FHIP1A: variants seen among roughly 807,000 people sequenced by gnomAD.
The protein encoded by FHIP1A is FHF complex subunit HOOK interacting protein 1A.
FHIP1A carries 61 observed loss-of-function variants against 88.6 expected under a neutral mutation model. The observed-to-expected ratio is 0.69, with a 90% confidence interval of 0.56 to 0.85. FHIP1A has a LOEUF of 0.85. Among genes scored for constraint, FHIP1A ranks in the 40% least tolerant of loss-of-function variants. The pLI is 0.00. For synonymous variants in FHIP1A, 478 were observed against 496.0 expected (o/e 0.96, Z 0.48); for missense variants, 1,154 against 1,273.5 (o/e 0.91, Z 1.43).
At chr4:151,556,492 T>C (rs1732951445) in intron 3 of FHIP1A, among the ~76,000 whole-genome samples, 2 of 152,196 alleles carry the variant, frequency 1.3e-5, no homozygotes, top group Non-Finnish European at 2.9e-5. Context: ...TTGAGTTGTC[T>C]CTTGGATGGC....
chr4:151,584,039 T>G (rs1240458207), intron 5 of FHIP1A, among the ~76,000 whole-genome samples: 1 of 152,144 alleles, frequency 6.6e-6, no homozygotes, highest in Non-Finnish European at 1.5e-5. Context: ...AATAAGTAAA[T>G]GAATGAATGA....
intron 3 of FHIP1A, among the ~76,000 whole-genome samples, chr4:151,549,222 A>T (rs990198410): frequency 6.6e-6 from 1 of 152,208 alleles, no homozygotes; most frequent in African/African-American, 2.4e-5. Flanking sequence ...ACAGACGTAA[A>T]CTACTGATTC....
At chr4:151,483,587 G>A (rs1297748119) in intron 3 of FHIP1A, among the ~76,000 whole-genome samples, 2 of 152,100 alleles carry the variant, frequency 1.3e-5, no homozygotes, top group Non-Finnish European at 2.9e-5. Flanking sequence ...ATGATTGTGT[G>A]CTTTTCTGGG....
chr4:151,636,038 A>G (rs1736340465), intron 8 of FHIP1A, among the ~76,000 whole-genome samples: 2 of 151,962 alleles, frequency 1.3e-5, no homozygotes, highest in Non-Finnish European at 2.9e-5. Flanking sequence ...ACTCTACACT[A>G]ACATCTACTA....
intron 3 of FHIP1A, among the ~76,000 whole-genome samples, chr4:151,520,607 A>C (rs1340326549): frequency 6.6e-6 from 1 of 152,194 alleles, no homozygotes; most frequent in East Asian, 1.9e-4. Flanking sequence ...ATAATTTATA[A>C]ACAAAATTCA....
intron 1 of FHIP1A, among the ~76,000 whole-genome samples, chr4:151,413,853 CA>C (rs1248769284): frequency 1.3e-5 from 2 of 152,116 alleles, no homozygotes; most frequent in East Asian, 3.9e-4. Context: ...CCAGTTCTTC[CA>C]TTTTACAGGT....
chr4:151,650,290 A>C lies in FHIP1A; in HGVS notation c.2249A>C (p.Glu750Ala). ...ACAGCCGCCCACCCGGAGAGCGAGGAGCTCATTGCCCAGTATGACCAAATC... is the reference window on the plus strand; with the variant it reads ...ACAGCCGCCCACCCGGAGAGCGAGGCGCTCATTGCCCAGTATGACCAAATC... ...NLTAAHPESE[E>A]LIAQYDQIIK... The change falls in exon 11 of 14, where the codon GAG (glutamate) becomes GCG (alanine). Residue 750 changes from glutamate (E) to alanine (A), a missense_variant. Glu to Ala is a moderately radical substitution (Grantham distance 107). Transcript: ENST00000435205. The C allele has an allele frequency of 6.4e-7, 1 of 1,551,716 alleles. No homozygotes were observed. The highest frequency in any genetic ancestry group is 8.7e-7 in the Non-Finnish European group (1 of 1,147,000).
At chr4:151,502,309 C>T (rs75079491) in intron 3 of FHIP1A, among the ~76,000 whole-genome samples, 84 of 144,356 alleles carry the variant, frequency 5.8e-4, no homozygotes, top group African/African-American at 2.0e-3. Flanking sequence ...AGAACAAGAC[C>T]CCATCTCAAA....
Position 151,663,071 on chromosome 4 carries a change from C to T in FHIP1A, c.*317C>T, listed in dbSNP as rs552040277. On this transcript the variant is annotated 3_prime_UTR_variant, in exon 14 of 14. Coordinates refer to ENST00000435205, the MANE Select transcript of FHIP1A (RefSeq NM_001109977.3). ...GTTACTCTTCTTGCAGCTCAGATCA[C>T]GTCAAGCAGATATTGGGGTTCAGTG... 1.9e-5 allele frequency: 4 copies of T among 208,948 alleles called. No individual in the cohort carries two copies. Among genetic ancestry groups the T allele is most frequent in the South Asian group, 1.3e-4 (1 of 7,544 alleles). 12.9% of individuals were successfully genotyped at this position (208,948 alleles called of 1,614,324 possible). A position where few individuals can be genotyped will look rare whatever the true frequency, so the allele number is the denominator to read the frequency against.
intron 5 of FHIP1A, among the ~76,000 whole-genome samples, chr4:151,582,367 T>C (rs552267562): frequency 1.5e-3 from 229 of 152,072 alleles, no homozygotes; most frequent in African/African-American, 5.4e-3. Context: ...TTTTTTTTTG[T>C]ATGTCATCTT....
rs553292974 is a variant in FHIP1A at position 151,649,549 on chromosome 4, A to G, written c.1508A>G (p.Tyr503Cys). ...GKALDISYLQ[Y>C]LWEAHTNILR... ...GCCCTGGACATCAGCTACCTGCAGTACCTGTGGGAGGCCCACACCAACATC... is the reference window on the plus strand; with the variant it reads ...GCCCTGGACATCAGCTACCTGCAGTGCCTGTGGGAGGCCCACACCAACATC... Residue 503 changes from tyrosine to cysteine, a missense_variant, in exon 11 of 14, where the codon TAC becomes TGC. Physicochemically the swap from Tyr to Cys is radical, Grantham distance 194. Coordinates refer to ENST00000435205, the MANE Select transcript of FHIP1A (RefSeq NM_001109977.3). 3 of 1,551,652 alleles carry G rather than the reference A, an allele frequency of 1.9e-6. No homozygotes were observed. The highest frequency in any genetic ancestry group is 2.4e-5 in the East Asian group (1 of 40,920).
chr4:151,646,698 A>T lies in FHIP1A; in HGVS notation c.1367A>T (p.Asn456Ile). The stretch of plus-strand genomic sequence containing the variant: ...AGCGGGATCACTCTGACGCTGGGGA[A>T]CCAAGAGAGGGATTATATTCTCTGG... ...CSSGITLTLG[N>I]QERDYILWSK... Residue 456 changes from asparagine (N) to isoleucine (I), a missense_variant, in exon 10 of 14, where the codon AAC becomes ATC. Physicochemically the swap from Asn to Ile is moderately radical, Grantham distance 149. Coordinates refer to ENST00000435205, the MANE Select transcript of FHIP1A (RefSeq NM_001109977.3). 1 of 1,551,606 alleles carries T rather than the reference A, an allele frequency of 6.4e-7. No individual in the cohort carries two copies. The highest frequency in any genetic ancestry group is 8.7e-7 in the Non-Finnish European group (1 of 1,146,934).
intron 7 of FHIP1A, among the ~76,000 whole-genome samples, chr4:151,605,341 G>A (rs935246309): frequency 6.6e-6 from 1 of 152,180 alleles, no homozygotes; most frequent in African/African-American, 2.4e-5. Context: ...TAGAGACATC[G>A]AGGTGAATGT....
At chr4:151,512,637 G>A (rs1377640818) in intron 3 of FHIP1A, among the ~76,000 whole-genome samples, 3 of 152,280 alleles carry the variant, frequency 2.0e-5, no homozygotes, top group Admixed American at 6.5e-5. Context: ...GCCAAGGCTC[G>A]AGAACTACGT....
At chr4:151,466,402 C>T (rs1173045186) in intron 2 of FHIP1A, among the ~76,000 whole-genome samples, 5 of 152,316 alleles carry the variant, frequency 3.3e-5, no homozygotes, top group Middle Eastern at 3.4e-3. Flanking sequence ...AATGACCATA[C>T]TGCCCAAAGT....
intron 1 of FHIP1A, among the ~76,000 whole-genome samples, chr4:151,449,568 A>G (rs916987650): frequency 6.6e-6 from 1 of 152,148 alleles, no homozygotes; most frequent in Admixed American, 6.6e-5. Context: ...CTATTTTGTA[A>G]TATGAAATAC....
chr4:151,556,064 G>A (rs931588320), intron 3 of FHIP1A, among the ~76,000 whole-genome samples: 1 of 152,018 alleles, frequency 6.6e-6, no homozygotes, highest in African/African-American at 2.4e-5. Flanking sequence ...AAATGTGAAC[G>A]ATTCTCTAGT....
Position 151,545,588 on chromosome 4 carries a change from A to G in FHIP1A, c.-122-20550A>G, listed in dbSNP as rs1049519610. ...GAGATGGGGTTTCACCATGTTAGCC[A>G]GGATGGTCTCGATCTCCTGACCTCG... On this transcript the variant is annotated intron_variant, in intron 3 of 13. Coordinates refer to ENST00000435205, the MANE Select transcript of FHIP1A (RefSeq NM_001109977.3). 4.4e-4 allele frequency among the ~76,000 whole-genome samples: 67 copies of G among 151,924 alleles called. 1 individual carries two copies. Among genetic ancestry groups the G allele is most frequent in the Admixed American group, 3.0e-3 (46 of 15,254 alleles).
intron 3 of FHIP1A, among the ~76,000 whole-genome samples, chr4:151,488,358 A>G (rs908095129): frequency 1.3e-5 from 2 of 152,126 alleles, no homozygotes; most frequent in African/African-American, 4.8e-5. Context: ...TCCAGTGTCT[A>G]TTGTTCCCAC....
Sources: allele counts gnomAD v4.1 joint callset (sites outside exome capture counted in the v4.1 genomes callset), GRCh38; gene constraint gnomAD v4.1.1; transcripts MANE v1.5; gene names NCBI Gene and HGNC (gene_info 2026-07-23, HGNC 2026-07-21).